The following UGGT2 variants were observed in gnomAD, a reference collection of about 807,000 sequenced individuals.
UGGT2 encodes the protein UDP-glucose:glycoprotein glucosyltransferase 2.
In UGGT2, 180 loss-of-function variants were observed where a neutral mutation model predicts 192.1. The ratio of observed to expected loss-of-function variants is 0.94; its 90% CI spans 0.83 to 1.06. The LOEUF (loss-of-function observed/expected upper bound fraction) is 1.06. Ranked by LOEUF, UGGT2 falls within the 50% of genes least tolerant of loss-of-function variation. UGGT2 has a pLI of 0.00. For synonymous variants in UGGT2, 580 were observed against 591.0 expected (o/e 0.98, Z 0.27); for missense variants, 1,849 against 1,795.7 (o/e 1.03, Z -0.54).
chr13:95,994,256 TATGA>T (rs2051548515), intron 7 of UGGT2, among the ~76,000 whole-genome samples: 1 of 152,048 alleles, frequency 6.6e-6, no homozygotes, highest in South Asian at 2.1e-4. Context: ...TCTCATACTT[TATGA>T]ATGTCAGATG....
At chr13:95,921,366 G>T (rs1011028480) in intron 20 of UGGT2, among the ~76,000 whole-genome samples, 1 of 148,912 alleles carries the variant, frequency 6.7e-6, no homozygotes. Flanking sequence ...AAAAAAAAAG[G>T]TGGTGACAGT....
chr13:96,018,215 A>G (rs897090943), intron 4 of UGGT2, among the ~76,000 whole-genome samples: 12 of 152,168 alleles, frequency 7.9e-5, no homozygotes, highest in Non-Finnish European at 1.8e-4. Context: ...TATAGACATA[A>G]TACGAAAATG....
At chr13:95,849,254 T>C (rs1888773968) in intron 36 of UGGT2, among the ~76,000 whole-genome samples, 1 of 152,114 alleles carries the variant, frequency 6.6e-6, no homozygotes, top group Non-Finnish European at 1.5e-5. Flanking sequence ...ATTTATCTTA[T>C]GGCCAGGCAC....
At chr13:96,030,229 A>T (rs920325913) in intron 2 of UGGT2, among the ~76,000 whole-genome samples, 1 of 152,170 alleles carries the variant, frequency 6.6e-6, no homozygotes, top group Non-Finnish European at 1.5e-5. Context: ...TCTCTGGAAC[A>T]CTGACTAGGT....
At chr13:96,046,313 T>C (rs116021824) in intron 1 of UGGT2, among the ~76,000 whole-genome samples, 128 of 152,258 alleles carry the variant, frequency 8.4e-4, no homozygotes, top group African/African-American at 3.0e-3. Context: ...TTCTTATCTC[T>C]CGCGTTATAC....
chr13:95,991,221 T>TC (rs2051448017), intron 7 of UGGT2: 2 of 237,754 alleles, frequency 8.4e-6, no homozygotes, highest in South Asian at 1.2e-4. Context: ...TGATTTATAA[T>TC]CCTTTGGGTA....
At chr13:95,838,642 C>T (rs1887549349) in intron 36 of UGGT2, among the ~76,000 whole-genome samples, 1 of 152,042 alleles carries the variant, frequency 6.6e-6, no homozygotes. Flanking sequence ...TAGAAAATTA[C>T]CCATACTTTC....
At chr13:95,906,701 TGAAAA>T (rs1309881208) in intron 20 of UGGT2, among the ~76,000 whole-genome samples, 3 of 152,200 alleles carry the variant, frequency 2.0e-5, no homozygotes, top group South Asian at 2.1e-4. Flanking sequence ...GCTAAAATCT[TGAAAA>T]GAAGAGAAAT....
rs57253166 is a variant in UGGT2, at chr13:95,962,726, G to A, written c.1335+7386C>T. 9.9e-3 allele frequency among the ~76,000 whole-genome samples: 1,501 copies of A among 152,192 alleles called. 22 individuals carry two copies. The highest frequency in any genetic ancestry group is 0.034 in the African/African-American group (1,409 of 41,526). On this transcript the variant is annotated intron_variant, in intron 12 of 38. Transcript: ENST00000376747. ...CAGCATTACCCGGATACCAAAACCA[G>A]ACGAGGACACAACAATAAAGGAAAA... is the stretch of plus-strand genomic sequence containing the variant.
intron 4 of UGGT2, among the ~76,000 whole-genome samples, chr13:96,015,305 G>A (rs950577240): frequency 6.6e-6 from 1 of 150,692 alleles, no homozygotes; most frequent in Non-Finnish European, 1.5e-5. Context: ...AAGAAAACTA[G>A]AAAGGCTGCC....
intron 1 of UGGT2, among the ~76,000 whole-genome samples, chr13:96,042,848 C>T (rs1436292167): frequency 6.6e-6 from 1 of 151,858 alleles, no homozygotes; most frequent in Admixed American, 6.6e-5. Flanking sequence ...ACAAAGCCTC[C>T]AAGAAGTCTG....
chr13:95,987,032 T>C (rs2051310355), intron 8 of UGGT2, among the ~76,000 whole-genome samples: 1 of 152,142 alleles, frequency 6.6e-6, no homozygotes, highest in Non-Finnish European at 1.5e-5. Context: ...TCAGAAAAGA[T>C]TTAAAACTAA....
At chr13:95,937,671 G>A (rs1316089540) in intron 16 of UGGT2, among the ~76,000 whole-genome samples, 1 of 152,162 alleles carries the variant, frequency 6.6e-6, no homozygotes, top group Non-Finnish European at 1.5e-5. Context: ...GGGCCCAGGA[G>A]AAGCACCTAA....
At chr13:95,803,369 TC>T (rs1884156903) in intron 38 of UGGT2, among the ~76,000 whole-genome samples, 1 of 152,060 alleles carries the variant, frequency 6.6e-6, no homozygotes, top group African/African-American at 2.4e-5. Context: ...CAAGCAATTC[TC>T]CTGCCTCAGC....
chr13:96,017,082 T>C (rs2052362211), intron 4 of UGGT2, among the ~76,000 whole-genome samples: 1 of 152,196 alleles, frequency 6.6e-6, no homozygotes, highest in Admixed American at 6.5e-5. Flanking sequence ...CTCCCTTTGG[T>C]AACGGGAATG....
chr13:95,895,198 A>G lies in UGGT2; in HGVS notation c.2741T>C (p.Met914Thr), dbSNP rs543273482. Residue 914 changes from methionine (M) to threonine (T), a missense_variant, in exon 23 of 39, where the codon ATG (methionine) becomes ACG (threonine). Physicochemically the swap from Met to Thr is moderately conservative, Grantham distance 81. Coordinates refer to ENST00000376747, the MANE Select transcript of UGGT2 (RefSeq NM_020121.4). ...TACTCACTTATTTGCGTTGATTCCC[A>G]TATTTTCAACAATGCCTTTAATTTT... ...GEKIKGIVEN[M>T]GINANNMSDF... The G allele has an allele frequency of 3.8e-6, 6 of 1,585,998 alleles. No homozygotes were observed. The highest frequency in any genetic ancestry group is 2.3e-5 in the East Asian group (1 of 43,748).
chr13:95,903,117 G>A (rs574136855), intron 20 of UGGT2, 57 bp from the exon 21 acceptor site: 194 of 1,508,194 alleles, frequency 1.3e-4, no homozygotes, highest in Middle Eastern at 2.4e-4. Context: ...TTTTACAGGT[G>A]AATATATTTT....
At chr13:95,896,305 A>G (rs927144433) in intron 22 of UGGT2, among the ~76,000 whole-genome samples, 3 of 152,092 alleles carry the variant, frequency 2.0e-5, no homozygotes, top group African/African-American at 7.2e-5. Flanking sequence ...AAAGGTGACT[A>G]ACTGGGATTT....
chr13:95,890,806 T>C, intron 25 of UGGT2, 56 bp downstream of exon 25: 1 of 1,382,572 alleles, frequency 7.2e-7, no homozygotes, highest in Non-Finnish European at 1.0e-6. Context: ...AAAACAGACT[T>C]GAAAAAATTA....
Sources: gnomAD v4.1 joint callset for allele counts (sites outside exome capture counted in the v4.1 genomes callset) on GRCh38, gnomAD v4.1.1 for gene constraint, MANE v1.5 for transcripts, NCBI Gene and HGNC (gene_info 2026-07-23, HGNC 2026-07-21) for gene names.